The following RCBTB1 variants were observed in gnomAD, a reference collection of about 807,000 sequenced individuals.
RCBTB1 encodes the protein RCC1 and BTB domain-containing protein 1.
In RCBTB1, 46 loss-of-function variants were observed where a neutral mutation model predicts 62.4. That is an observed-to-expected ratio of 0.74 (90% confidence interval 0.58 to 0.94). RCBTB1 has a LOEUF of 0.94. RCBTB1 is among the 40% of genes least tolerant of loss of function. The pLI is 0.00. For synonymous variants in RCBTB1, 222 were observed against 245.8 expected, an observed-to-expected ratio of 0.90 and a Z score of 0.91; for missense variants, 565 against 654.9, an observed-to-expected ratio of 0.86 and a Z score of 1.50.
chr13:49,544,890 T>A, intron 9 of RCBTB1, 27 bp from the exon 10 acceptor site: 1 of 1,593,570 alleles, frequency 6.3e-7, no homozygotes, highest in Non-Finnish European at 8.5e-7. Flanking sequence ...TATATTAATA[T>A]GGCAAGTTCA....
At chr13:49,537,791 T>C (rs1038909582) in intron 12 of RCBTB1, 2 of 152,222 alleles carry the variant, frequency 1.3e-5, no homozygotes, top group African/African-American at 4.8e-5. Flanking sequence ...GGGTGCTCCT[T>C]TGTGAAGTCC....
At chr13:49,540,305 T>G (rs1395251162) in intron 12 of RCBTB1, among the ~76,000 whole-genome samples, 1 of 152,164 alleles carries the variant, frequency 6.6e-6, no homozygotes, top group Non-Finnish European at 1.5e-5. Flanking sequence ...ACACAAACTT[T>G]CAGACTCCCC....
chr13:49,567,318 T>A lies in RCBTB1; in HGVS notation c.-39A>T. 6.2e-7 allele frequency: 1 copy of A among 1,605,370 alleles called. No individual in the cohort carries two copies. Among genetic ancestry groups the A allele is most frequent in the Non-Finnish European group, 8.5e-7 (1 of 1,174,372 alleles). The stretch of plus-strand genomic sequence containing the variant: ...AGCAATTCCTATAAATAAGCCGACA[T>A]CTCTGCTGGAACAGAAAGGATTCCA... On this transcript the variant is annotated splice_region_variant and 5_prime_UTR_variant, in exon 3 of 13. An upstream start codon of the reference 5' UTR is lost. Transcript: ENST00000378302.
intron 2 of RCBTB1, among the ~76,000 whole-genome samples, chr13:49,574,926 C>T (rs572895131): frequency 7.1e-6 from 1 of 141,714 alleles, no homozygotes; most frequent in African/African-American, 2.7e-5. Flanking sequence ...AATTCTGATA[C>T]ATACAACAAC....
At chr13:49,559,611 G>C (rs910719987) in intron 5 of RCBTB1, among the ~76,000 whole-genome samples, 16 of 141,864 alleles carry the variant, frequency 1.1e-4, no homozygotes, top group Admixed American at 2.2e-4. Flanking sequence ...AGCAGAGATC[G>C]TGCCACTGTA....
At chr13:49,564,569 G>A (rs192464089) in intron 4 of RCBTB1, among the ~76,000 whole-genome samples, 2 of 103,344 alleles carry the variant, frequency 1.9e-5, no homozygotes, top group Non-Finnish European at 3.6e-5. Context: ...TGGAGACAGA[G>A]CGAGACTCCT....
rs1961149333 is a variant in RCBTB1, at chr13:49,549,577, A to C, written c.926T>G (p.Met309Arg). The C allele has an allele frequency of 4.3e-6, 7 of 1,614,172 alleles. No homozygotes were observed. The highest frequency in any genetic ancestry group is 5.9e-6 in the Non-Finnish European group (7 of 1,180,014). ...GGACTGACCCCGGCACTGGCCCCAC[A>C]TGTACACGTGCCCACCCTGCGTCTT... ...AAKTQGGHVYMWGQCRGQSVI... is the reference protein window; with the variant it reads ...AAKTQGGHVYRWGQCRGQSVI... Residue 309 changes from methionine (M) to arginine (R), a missense_variant, in exon 9 of 13, where the codon ATG becomes AGG. Met to Arg is a moderately conservative substitution (Grantham distance 91). Coordinates refer to ENST00000378302, the MANE Select transcript of RCBTB1 (RefSeq NM_018191.4).
intron 2 of RCBTB1, among the ~76,000 whole-genome samples, chr13:49,570,704 A>G (rs1314728839): frequency 6.6e-6 from 1 of 152,248 alleles, no homozygotes; most frequent in Non-Finnish European, 1.5e-5. Flanking sequence ...CAATCAAGCA[A>G]AGCTAACAGC....
At chr13:49,577,389 A>AATGGT (rs1316583182) in intron 2 of RCBTB1, among the ~76,000 whole-genome samples, 1 of 152,230 alleles carries the variant, frequency 6.6e-6, no homozygotes, top group African/African-American at 2.4e-5. Context: ...AATGGAGAGA[A>AATGGT]ATGGTACAGG....
rs113249462 is a variant in RCBTB1, at chr13:49,551,958, A to T, written c.711+220T>A. 1.4e-3 allele frequency among the ~76,000 whole-genome samples: 193 copies of T among 137,512 alleles called. No homozygotes were observed. In the Middle Eastern group the frequency reaches 0.015, roughly 10 times the overall value. 90.2% of individuals were successfully genotyped at this position (137,512 alleles called of 152,430 possible). A position where few individuals can be genotyped will look rare whatever the true frequency, so the allele number is the denominator to read the frequency against. ...AAACCTTAGGCTACTGAATTTTTCCATTTTTTTTTTTTTTTTTAACTTGTC... is the reference window on the plus strand; with the variant it reads ...AAACCTTAGGCTACTGAATTTTTCCTTTTTTTTTTTTTTTTTTAACTTGTC... On this transcript the variant is annotated intron_variant, in intron 7 of 12. Transcript: ENST00000378302.
intron 6 of RCBTB1, among the ~76,000 whole-genome samples, chr13:49,555,066 G>T (rs1961731491): frequency 6.6e-6 from 1 of 152,170 alleles, no homozygotes; most frequent in Admixed American, 6.5e-5. Flanking sequence ...ACAACAGTCA[G>T]GACCCCACAA....
intron 11 of RCBTB1, 39 bp downstream of exon 11, chr13:49,541,637 C>G: frequency 6.4e-7 from 1 of 1,569,300 alleles, no homozygotes; most frequent in Non-Finnish European, 8.6e-7. Context: ...GATATATTCT[C>G]CACCATGCGG....
At chr13:49,541,274 A>G (rs535623317) in intron 11 of RCBTB1, among the ~76,000 whole-genome samples, 1 of 152,202 alleles carries the variant, frequency 6.6e-6, no homozygotes, top group Non-Finnish European at 1.5e-5. Context: ...TAAAACGCTA[A>G]ATGCATTAGC....
intron 5 of RCBTB1, among the ~76,000 whole-genome samples, chr13:49,556,015 C>G (rs1961829753): frequency 6.6e-6 from 1 of 152,118 alleles, no homozygotes; most frequent in Non-Finnish European, 1.5e-5. Flanking sequence ...TGCTACATTC[C>G]CTCTATAATT....
At chr13:49,565,248 C>G (rs1301050132) in intron 4 of RCBTB1, among the ~76,000 whole-genome samples, 1 of 152,208 alleles carries the variant, frequency 6.6e-6, no homozygotes, top group Non-Finnish European at 1.5e-5. Context: ...AGCTCCTAAC[C>G]GCGAGTGATC....
chr13:49,535,580 G>C (rs1048376404), intron 12 of RCBTB1, among the ~76,000 whole-genome samples: 2 of 152,052 alleles, frequency 1.3e-5, no homozygotes, highest in Non-Finnish European at 2.9e-5. Context: ...AGAGTGGAAG[G>C]GGCCCACACA....
At position 49,567,253 on chromosome 13, in the gene RCBTB1, G is replaced by A. The variant is rs770793185; in HGVS notation, c.27C>T (p.Ile9=). The change falls in exon 3 of 13, where the codon ATC becomes ATT. Residue 9 remains isoleucine, a synonymous_variant. Coordinates refer to ENST00000378302, the MANE Select transcript of RCBTB1 (RefSeq NM_018191.4). ...TCTCTTGAGGGGAGAGTAGAGTGAA[G>A]ATGGGCCACTTTCCGACATCCACCA... MVDVGKWP[I]FTLLSPQEIA... 1 of 1,614,030 alleles carries A rather than the reference G, an allele frequency of 6.2e-7. No individual in the cohort carries two copies. The highest frequency in any genetic ancestry group is 1.1e-5 in the South Asian group (1 of 91,088).
At chr13:49,560,437 G>A (rs137879162) in intron 4 of RCBTB1, among the ~76,000 whole-genome samples, 2 of 152,328 alleles carry the variant, frequency 1.3e-5, no homozygotes, top group Admixed American at 6.5e-5. Context: ...AAAGCTCGAT[G>A]TTAATGTTTA....
intron 10 of RCBTB1, among the ~76,000 whole-genome samples, chr13:49,544,452 A>G (rs569468753): frequency 4.4e-4 from 66 of 148,596 alleles, no homozygotes; most frequent in African/African-American, 1.7e-3. Context: ...CTGAGCAACA[A>G]GAGTGAAACT....
Sources: gnomAD v4.1 joint callset for allele counts (sites outside exome capture counted in the v4.1 genomes callset) on GRCh38, gnomAD v4.1.1 for gene constraint, MANE v1.5 for transcripts, NCBI Gene and HGNC (gene_info 2026-07-23, HGNC 2026-07-21) for gene names.